Variants in COL21A1 observed in about 807,000 individuals in gnomAD.
COL21A1 encodes collagen type XXI alpha 1 chain, also known as collagen alpha-1(XXI) chain.
In COL21A1, 149 loss-of-function variants were observed where a neutral mutation model predicts 137.9. That is an observed-to-expected ratio of 1.08 (90% CI 0.95 to 1.24). The LOEUF is 1.24. Among genes scored for constraint, COL21A1 ranks in the 50% most tolerant of loss-of-function variants. The probability of loss-of-function intolerance (pLI) is 0.00; values close to 1 mark genes in which losing one functional copy is unlikely to be tolerated. For synonymous variants in COL21A1, 456 were observed against 391.5 expected, an observed-to-expected ratio of 1.16 and a Z score of -1.95; for missense variants, 1,167 against 1,158.4, an observed-to-expected ratio of 1.01 and a Z score of -0.11.
rs1310209410 is a variant in COL21A1, at chr6:56,179,804, T to C, written c.414A>G (p.Ile138Met). The stretch of plus-strand genomic sequence containing the variant: ...ATTTGCCATCCGTAAGTACCACTGC[T>C]ATCTTAGTCAGAAATCGTGAGGACT... ...FAKSSRFLTK[I>M]AVVLTDGKSQ... The change falls in exon 3 of 30, where the codon ATA (isoleucine) becomes ATG (methionine). Residue 138 changes from isoleucine (I) to methionine (M), a missense_variant. By Grantham distance (10) the Ile-to-Met change is conservative (BLOSUM62 1). Transcript: ENST00000244728. 1 of 1,614,008 alleles carries C rather than the reference T, an allele frequency of 6.2e-7. No homozygotes were observed. The highest frequency in any genetic ancestry group is 1.7e-5 in the Admixed American group (1 of 60,020).
At chr6:56,342,985 A>G (rs1472240611) in intron 1 of COL21A1, among the ~76,000 whole-genome samples, 1 of 152,214 alleles carries the variant, frequency 6.6e-6, no homozygotes. Flanking sequence ...GACAACTCAT[A>G]GCTGATCAAT....
intron 1 of COL21A1, among the ~76,000 whole-genome samples, chr6:56,294,383 T>C (rs1196312906): frequency 6.6e-6 from 1 of 152,126 alleles, no homozygotes; most frequent in Non-Finnish European, 1.5e-5. Context: ...ATTTCTACAA[T>C]GTATATTCAA....
At chr6:56,063,410 G>A (rs1001881695) in intron 24 of COL21A1, among the ~76,000 whole-genome samples, 1 of 151,826 alleles carries the variant, frequency 6.6e-6, no homozygotes, top group Non-Finnish European at 1.5e-5. Flanking sequence ...GATGTTTTGT[G>A]ATTGACTTAA....
intron 1 of COL21A1, among the ~76,000 whole-genome samples, chr6:56,221,469 T>A (rs1287021407): frequency 6.6e-6 from 1 of 152,130 alleles, no homozygotes; most frequent in Non-Finnish European, 1.5e-5. Context: ...ATGCTTATAA[T>A]CCCAGCACTT....
intron 1 of COL21A1, among the ~76,000 whole-genome samples, chr6:56,246,144 G>A (rs1782625963): frequency 6.6e-6 from 1 of 151,876 alleles, no homozygotes; most frequent in Non-Finnish European, 1.5e-5. Flanking sequence ...CCAGAGGCCT[G>A]CAACACTGAA....
intron 16 of COL21A1, among the ~76,000 whole-genome samples, chr6:56,109,536 G>C (rs1433027374): frequency 6.6e-6 from 1 of 151,648 alleles, no homozygotes; most frequent in Non-Finnish European, 1.5e-5. Flanking sequence ...AAATTCCCAT[G>C]GAAAAAAATA....
chr6:56,294,314 T>C (rs1764116769), intron 1 of COL21A1, among the ~76,000 whole-genome samples: 1 of 152,080 alleles, frequency 6.6e-6, no homozygotes, highest in Admixed American at 6.6e-5. Context: ...GATTAAAAAC[T>C]TTCAAAGGGT....
intron 1 of COL21A1, among the ~76,000 whole-genome samples, chr6:56,369,322 A>G (rs955414272): frequency 6.6e-6 from 1 of 151,820 alleles, no homozygotes; most frequent in African/African-American, 2.4e-5. Context: ...TCAATTCAAA[A>G]CAAAATGAAT....
At chr6:56,150,514 TCACA>T (rs747022399) in intron 10 of COL21A1, among the ~76,000 whole-genome samples, 1,475 of 46,032 alleles carry the variant, frequency 0.032, 12 homozygotes, top group Non-Finnish European at 0.035. Flanking sequence ...CGAGACTCCA[TCACA>T]CACACACACA....
chr6:56,191,640 T>C (rs1192975088), intron 1 of COL21A1, among the ~76,000 whole-genome samples: 1 of 148,494 alleles, frequency 6.7e-6, no homozygotes, highest in Non-Finnish European at 1.5e-5. Flanking sequence ...TGAACTCCCA[T>C]TCACTATTGC....
rs1344387319 is a variant in COL21A1, at chr6:56,124,129, A to G, written c.1705-14T>C. 1 of 1,538,530 alleles carries G rather than the reference A, an allele frequency of 6.5e-7. No homozygotes were observed. The highest frequency in any genetic ancestry group is 8.8e-7 in the Non-Finnish European group (1 of 1,138,822). On this transcript the variant is annotated splice_polypyrimidine_tract_variant and intron_variant, in intron 15 of 29. Coordinates refer to ENST00000244728, the MANE Select transcript of COL21A1 (RefSeq NM_030820.4). Reference sequence around the variant, plus strand: ...TCCTGGTTCTCCCTAAAAAATAAATACATATGCTTTAATATATTTTTGCAC... The same window carrying G: ...TCCTGGTTCTCCCTAAAAAATAAATGCATATGCTTTAATATATTTTTGCAC...
At chr6:56,203,635 T>C (rs1779551402) in intron 1 of COL21A1, among the ~76,000 whole-genome samples, 2 of 152,194 alleles carry the variant, frequency 1.3e-5, no homozygotes, top group Admixed American at 6.5e-5. Flanking sequence ...AAGGCTTCCA[T>C]TGACTAAAGA....
At chr6:56,097,199 A>G (rs987130967) in intron 17 of COL21A1, among the ~76,000 whole-genome samples, 2 of 152,100 alleles carry the variant, frequency 1.3e-5, no homozygotes, top group Non-Finnish European at 2.9e-5. Context: ...AGAGAGGGGA[A>G]TGGAAGAAAA....
intron 10 of COL21A1, among the ~76,000 whole-genome samples, chr6:56,148,228 C>A (rs1165565324): frequency 3.3e-5 from 5 of 151,896 alleles, no homozygotes; most frequent in African/African-American, 4.8e-5. Flanking sequence ...CTAGGAAAGC[C>A]TTATAAAGGC....
intron 12 of COL21A1, among the ~76,000 whole-genome samples, chr6:56,132,159 T>G (rs1773609654): frequency 6.6e-6 from 1 of 151,294 alleles, no homozygotes; most frequent in Non-Finnish European, 1.5e-5. Context: ...ACAAAAGAGA[T>G]AAAAAATTTT....
chr6:56,338,033 G>A (rs1765373986), intron 1 of COL21A1, among the ~76,000 whole-genome samples: 1 of 148,572 alleles, frequency 6.7e-6, no homozygotes, highest in Non-Finnish European at 1.5e-5. Context: ...CGCAATCTCG[G>A]CTCACTGCAA....
intron 4 of COL21A1, 40 bp downstream of exon 4, chr6:56,170,920 A>C (rs1776989733): frequency 1.9e-6 from 3 of 1,592,472 alleles, no homozygotes; most frequent in Non-Finnish European, 2.6e-6. Flanking sequence ...GTCCACAGAC[A>C]TATCCCCCCA....
At chr6:56,241,945 C>A (rs1022906126) in intron 1 of COL21A1, among the ~76,000 whole-genome samples, 1 of 152,256 alleles carries the variant, frequency 6.6e-6, no homozygotes, top group Admixed American at 6.5e-5. Context: ...TTAATAGACT[C>A]TCTGAAACAG....
chr6:56,140,523 C>T (rs1338673083), intron 12 of COL21A1, among the ~76,000 whole-genome samples: 4 of 152,116 alleles, frequency 2.6e-5, no homozygotes, highest in South Asian at 2.1e-4. Context: ...AAGGCGACTG[C>T]GTGATACCTG....
Sources: gnomAD v4.1 joint callset for allele counts (sites outside exome capture counted in the v4.1 genomes callset) on GRCh38, gnomAD v4.1.1 for gene constraint, MANE v1.5 for transcripts, NCBI Gene and HGNC (gene_info 2026-07-23, HGNC 2026-07-21) for gene names.